LY96: variants seen among roughly 807,000 people sequenced by gnomAD.
LY96 encodes the protein lymphocyte antigen 96, also known as myeloid differentiation protein-2.
Under a neutral mutation model 18.9 loss-of-function variants are expected in LY96, and 18 were observed. The observed-to-expected ratio is 0.95, with a 90% CI of 0.66 to 1.41. The LOEUF (loss-of-function observed/expected upper bound fraction) is 1.41, where lower values mean the gene tolerates loss of function less well. LY96 is among the 40% of genes most tolerant of loss of function. The pLI, the probability that LY96 is intolerant of heterozygous loss-of-function variation, is 0.00. For synonymous variants in LY96, 66 were observed against 62.6 expected, an observed-to-expected ratio of 1.06 and a Z score of -0.26; for missense variants, 175 against 182.4, an observed-to-expected ratio of 0.96 and a Z score of 0.23.
intron 3 of LY96, among the ~76,000 whole-genome samples, chr8:74,017,243 C>A (rs945891246): frequency 2.0e-5 from 3 of 152,124 alleles, no homozygotes; most frequent in Admixed American, 6.6e-5. Flanking sequence ...GGCACGAGAA[C>A]TACATGACAC....
chr8:74,053,210 G>A, the LY96 span, among the ~76,000 whole-genome samples: 7 of 152,216 alleles, frequency 4.6e-5, no homozygotes, highest in Middle Eastern at 6.8e-3. Context: ...ACATGACTTC[G>A]CCATGTGGAT....
the LY96 span, among the ~76,000 whole-genome samples, chr8:74,091,129 C>T: frequency 2.0e-5 from 3 of 152,078 alleles, no homozygotes; most frequent in African/African-American, 7.2e-5. Flanking sequence ...GAGGGGTATA[C>T]GAGGAGAAAG....
the LY96 span, among the ~76,000 whole-genome samples, chr8:74,081,076 CT>C: frequency 0.019 from 1,788 of 93,548 alleles, 67 homozygotes; most frequent in African/African-American, 0.056. Flanking sequence ...TACTTTCTTT[CT>C]TCTCTTTCTC....
chr8:74,058,505 T>A, the LY96 span, among the ~76,000 whole-genome samples: 2 of 151,474 alleles, frequency 1.3e-5, no homozygotes, highest in South Asian at 2.1e-4. Context: ...CACCTATCTA[T>A]CTATCTAGAA....
the LY96 span, among the ~76,000 whole-genome samples, chr8:74,036,457 T>C: frequency 6.6e-6 from 1 of 152,224 alleles, no homozygotes; most frequent in Admixed American, 6.5e-5. Context: ...ATCACTATTA[T>C]AGAAACTAAG....
chr8:74,041,378 T>G, the LY96 span, among the ~76,000 whole-genome samples: 1,117 of 152,296 alleles, frequency 7.3e-3, 13 homozygotes, highest in Non-Finnish European at 9.2e-3. Context: ...ATGAAATCAG[T>G]GCACCTTGAA....
At position 74,025,650 on chromosome 8, in the gene LY96, G is replaced by A. The variant is rs529271091; in HGVS notation, c.332-1139G>A. Reference sequence around the variant, plus strand: ...AGCCTGGGCGACAGAGCGAAACTCCGTCTCAAAAAAAAAAAAAAAAAAAAA... The same window carrying A: ...AGCCTGGGCGACAGAGCGAAACTCCATCTCAAAAAAAAAAAAAAAAAAAAA... On this transcript the variant is annotated intron_variant, in intron 3 of 4. Transcript: ENST00000284818. Among the ~76,000 whole-genome samples, 885 of 101,562 alleles carry A rather than the reference G, an allele frequency of 8.7e-3. 7 individuals are homozygous for A. The highest frequency in any genetic ancestry group is 0.011 in the Non-Finnish European group (650 of 56,982). 66.6% of individuals were successfully genotyped at this position (101,562 alleles called of 152,430 possible).
the LY96 span, among the ~76,000 whole-genome samples, chr8:74,069,664 G>A: frequency 1.3e-5 from 2 of 152,120 alleles, no homozygotes; most frequent in African/African-American, 4.8e-5. Context: ...GTGCAATGGT[G>A]CCATCTTGGC....
At chr8:74,015,627 C>G (rs1816625141) in intron 3 of LY96, among the ~76,000 whole-genome samples, 1 of 152,202 alleles carries the variant, frequency 6.6e-6, no homozygotes, top group Non-Finnish European at 1.5e-5. Flanking sequence ...TGTTCACAGG[C>G]ACTGGAGGTT....
the LY96 span, among the ~76,000 whole-genome samples, chr8:74,066,139 C>T: frequency 1.3e-5 from 2 of 151,898 alleles, no homozygotes; most frequent in African/African-American, 2.4e-5. Flanking sequence ...ACCAATGCAC[C>T]AGCAGATTCA....
At chr8:74,011,597 A>G (rs1351583098) in intron 3 of LY96, among the ~76,000 whole-genome samples, 1 of 152,228 alleles carries the variant, frequency 6.6e-6, no homozygotes, top group African/African-American at 2.4e-5. Flanking sequence ...GCAGTGGCTC[A>G]CGCCTGTAAT....
At chr8:74,006,044 C>A (rs1816402990) in intron 2 of LY96, among the ~76,000 whole-genome samples, 2 of 152,314 alleles carry the variant, frequency 1.3e-5, no homozygotes, top group South Asian at 4.1e-4. Context: ...TGATAGACAA[C>A]AAACTTGTGT....
At chr8:74,002,093 T>TTCTTTCTTTCTTTCTTTCTTTCTC (rs1563710943) in intron 1 of LY96, among the ~76,000 whole-genome samples, 4 of 38,726 alleles carry the variant, frequency 1.0e-4, no homozygotes, top group African/African-American at 1.5e-4. Flanking sequence ...CTTTCTTTCT[T>TTCTTTCTTTCTTTCTTTCTTTCTC]TCTCTCTCTC....
At chr8:74,050,008 A>T in the LY96 span, among the ~76,000 whole-genome samples, 1 of 152,104 alleles carries the variant, frequency 6.6e-6, no homozygotes, top group East Asian at 1.9e-4. Flanking sequence ...ACAGAGCAGG[A>T]CTCCATTTTT....
At chr8:74,056,041 A>G in the LY96 span, 1 of 156,296 alleles carries the variant, frequency 6.4e-6, no homozygotes, top group Non-Finnish European at 1.4e-5. Flanking sequence ...CAGGGATACA[A>G]GGAACAAAAA....
the LY96 span, among the ~76,000 whole-genome samples, chr8:74,079,942 C>T: frequency 1.1e-3 from 163 of 152,190 alleles, no homozygotes; most frequent in Middle Eastern, 0.01. Context: ...AAGAACTGAT[C>T]CTTTTCTACA....
chr8:74,053,437 C>T, the LY96 span, among the ~76,000 whole-genome samples: 1 of 152,308 alleles, frequency 6.6e-6, no homozygotes, highest in South Asian at 2.1e-4. Context: ...CCCCTACTCC[C>T]TGTAGAATAA....
chr8:74,021,004 G>C (rs1309167681), intron 3 of LY96, among the ~76,000 whole-genome samples: 1 of 152,192 alleles, frequency 6.6e-6, no homozygotes, highest in East Asian at 1.9e-4. Context: ...CAGGACATAG[G>C]CATGGGCAAG....
the LY96 span, among the ~76,000 whole-genome samples, chr8:74,090,321 TCTGGCATATA>T: frequency 1.3e-5 from 2 of 152,166 alleles, no homozygotes; most frequent in African/African-American, 4.8e-5. Flanking sequence ...ACACACAAGA[TCTGGCATATA>T]CAGGTGCTTA....
Sources: allele counts gnomAD v4.1 joint callset (sites outside exome capture counted in the v4.1 genomes callset), GRCh38; gene constraint gnomAD v4.1.1; transcripts MANE v1.5; gene names NCBI Gene and HGNC (gene_info 2026-07-23, HGNC 2026-07-21).